A2ML1: variants seen among roughly 807,000 people sequenced by gnomAD.
A2ML1 encodes alpha-2-macroglobulin like 1.
Under a neutral mutation model 181.9 loss-of-function variants are expected in A2ML1, and 161 were observed. The ratio of observed to expected loss-of-function variants is 0.89; its 90% CI spans 0.78 to 1.01. The LOEUF (loss-of-function observed/expected upper bound fraction) is 1.01. A2ML1 is among the 50% of genes least tolerant of loss of function. The pLI is 0.00. For missense variants in A2ML1, 1,670 were observed against 1,768.1 expected (o/e 0.94, Z 1.00); for synonymous variants, 663 against 666.8 (o/e 0.99, Z 0.09).
Position 8,868,660 on chromosome 12 carries a change from C to T in A2ML1, c.4152+33C>T, listed in dbSNP as rs12816475. 689,929 of 1,593,436 alleles carry T rather than the reference C, an allele frequency of 0.43. 152,410 individuals are homozygous for T. Among genetic ancestry groups the T allele is most frequent in the Middle Eastern group, 0.49 (2,923 of 5,924 alleles). ...ACTTCTGTTTTCTTCATTTATCTAGCTGTGAGGGGACCTAACGTTATAATT... is the reference window on the plus strand; with the variant it reads ...ACTTCTGTTTTCTTCATTTATCTAGTTGTGAGGGGACCTAACGTTATAATT... On this transcript the variant is annotated intron_variant, in intron 32 of 35. Transcript: ENST00000299698.
chr12:8,833,466 C>T (rs113380114), intron 4 of A2ML1, among the ~76,000 whole-genome samples: 1,859 of 152,210 alleles, frequency 0.012, 16 homozygotes, highest in Non-Finnish European at 0.019. Flanking sequence ...GGCATGATCC[C>T]GGCTCAAGCA....
In A2ML1 at chr12:8,858,059, G is replaced by A; in HGVS notation, c.3221G>A (p.Gly1074Asp). 2 of 1,614,170 alleles carry A rather than the reference G, an allele frequency of 1.2e-6. No homozygotes were observed. The highest frequency in any genetic ancestry group is 1.7e-6 in the Non-Finnish European group (2 of 1,180,030). Residue 1074 changes from glycine (G) to aspartate (D), a missense_variant, in exon 26 of 36, where the codon GGC (glycine) becomes GAC (aspartate). Coordinates refer to ENST00000299698, the MANE Select transcript of A2ML1 (RefSeq NM_144670.6). ...KWMAGNQLPS[G>D]CYANVGNLLH... ...ATGGCAGGAAACCAGCTCCCCAGTG[G>A]CTGCTATGCCAACGTGGGAAATCTC... is the stretch of plus-strand genomic sequence containing the variant.
Position 8,836,340 on chromosome 12 carries a change from G to T in A2ML1, c.728+1G>T, listed in dbSNP as rs1185820998. On this transcript the variant is annotated splice_donor_variant, in intron 7 of 35. Transcript: ENST00000299698. LOFTEE classifies it high-confidence loss of function. ...CTTTCTTAGTAAAAATTTGTTGTAG[G>T]TAAGAGCAGAAGCTTGGGATCTGGT... 6.2e-7 allele frequency: 1 copy of T among 1,612,864 alleles called. No homozygotes were observed. Among genetic ancestry groups the T allele is most frequent in the African/African-American group, 1.3e-5 (1 of 74,878 alleles).
intron 4 of A2ML1, among the ~76,000 whole-genome samples, chr12:8,833,108 G>A (rs952324098): frequency 4.0e-5 from 6 of 151,634 alleles, no homozygotes; most frequent in Non-Finnish European, 5.9e-5. Flanking sequence ...CAAGTAGTTG[G>A]GTTTACAGGA....
At chr12:8,838,480 A>G (rs766211795) in intron 9 of A2ML1, 30 bp downstream of exon 9, 2 of 1,571,720 alleles carry the variant, frequency 1.3e-6, no homozygotes, top group South Asian at 1.1e-5. Context: ...GCTCATTAAG[A>G]AAAGAGAAAG....
chr12:8,887,416 T>C (rs1240853424), downstream of A2ML1, among the ~76,000 whole-genome samples: 1 of 152,120 alleles, frequency 6.6e-6, no homozygotes, highest in Non-Finnish European at 1.5e-5. Flanking sequence ...GCTGTGCAGC[T>C]GCAAAGTCAC....
In A2ML1 at chr12:8,835,785, G is replaced by A. The variant is rs749783418; in HGVS notation, c.643+119G>A. 630 of 1,345,904 alleles carry A rather than the reference G, an allele frequency of 4.7e-4. 3 individuals carry two copies. The highest frequency in any genetic ancestry group is 1.8e-3 in the African/African-American group (121 of 69,042). The allele number at this position is 1,345,904 out of a possible 1,614,324, so 83.4% of individuals were successfully genotyped here. ...TCCCAGGACTTTGGGAGGCCGAGGC[G>A]GGCAGATCATGAGGTCAGGAGATCG... On this transcript the variant is annotated intron_variant, in intron 6 of 35. Coordinates refer to ENST00000299698, the MANE Select transcript of A2ML1 (RefSeq NM_144670.6).
In A2ML1 at chr12:8,868,546, G is replaced by C; in HGVS notation, c.4071G>C (p.Gly1357=). The C allele has an allele frequency of 6.2e-7, 1 of 1,613,920 alleles. No homozygotes were observed. Among genetic ancestry groups the C allele is most frequent in the African/African-American group, 1.3e-5 (1 of 74,978 alleles). Residue 1357 remains glycine (G), a synonymous_variant, in exon 32 of 36, where the codon GGG becomes GGC. Coordinates refer to ENST00000299698, the MANE Select transcript of A2ML1 (RefSeq NM_144670.6). ...TTCTTCCTGCTCTCAGTTATGTGGGGAGCCGTAGCTCTTCCAATATGGCTA... is the reference window on the plus strand; with the variant it reads ...TTCTTCCTGCTCTCAGTTATGTGGGCAGCCGTAGCTCTTCCAATATGGCTA... ...LTLTIHTSYV[G]SRSSSNMAIV... is the part of the protein sequence containing the mutation.
At chr12:8,863,183 C>T (rs10771131) in intron 28 of A2ML1, among the ~76,000 whole-genome samples, 64 of 151,588 alleles carry the variant, frequency 4.2e-4, no homozygotes, top group African/African-American at 1.4e-3. Context: ...CTCAGTTCAC[C>T]GCAACCTCCA....
chr12:8,882,132 G>C (rs1944878021), intron 7 of A2ML1, among the ~76,000 whole-genome samples: 1 of 152,176 alleles, frequency 6.6e-6, no homozygotes, highest in African/African-American at 2.4e-5. Context: ...AAGACTGGCA[G>C]TTAGCAGCAA....
At chr12:8,879,361 T>TGG (rs1944847122), downstream of A2ML1, among the ~76,000 whole-genome samples, 1 of 151,488 alleles carries the variant, frequency 6.6e-6, no homozygotes, top group Non-Finnish European at 1.5e-5. Context: ...CGTGGTGGCA[T>TGG]GCGCCTGTAA....
chr12:8,823,538 C>T, intron 2 of A2ML1, 173 bp downstream of exon 2: 1 of 1,072,204 alleles, frequency 9.3e-7, no homozygotes, highest in Non-Finnish European at 1.3e-6. Context: ...GTTTCCTCGA[C>T]CTAGGATTTC....
intron 11 of A2ML1, among the ~76,000 whole-genome samples, chr12:8,842,358 A>G (rs1007969151): frequency 1.3e-5 from 2 of 151,464 alleles, no homozygotes; most frequent in African/African-American, 2.4e-5. Context: ...AGCTGGGACT[A>G]CAGGCGCCTG....
In A2ML1 at chr12:8,868,989, G is replaced by C; in HGVS notation, c.4153-146G>C. ...GGCTGCAAGGTTGTAGCAGATATAT[G>C]ACATGCAACTTGTAATAGTCTTGGT... On this transcript the variant is annotated intron_variant, in intron 32 of 35. Transcript: ENST00000299698. The C allele has an allele frequency of 6.8e-6, 5 of 738,112 alleles. 1 individual carries two copies. In the South Asian group the frequency reaches 8.6e-5, roughly 13 times the overall value. 45.7% of individuals were successfully genotyped at this position (738,112 alleles called of 1,614,324 possible).
At chr12:8,844,892 G>T in intron 12 of A2ML1, 1 of 903,670 alleles carries the variant, frequency 1.1e-6, no homozygotes, top group Non-Finnish European at 1.5e-6. Context: ...TTGGAGCCCT[G>T]CAGGAGCGTG....
Position 8,860,314 on chromosome 12 carries a change from A to G in A2ML1, c.3265-567A>G, listed in dbSNP as rs755311449. Among the ~76,000 whole-genome samples, 13 of 152,308 alleles carry G rather than the reference A, an allele frequency of 8.5e-5. No individual in the cohort carries two copies. The East Asian group carries it at 2.1e-3, about 25-fold the overall frequency. ...CCCACCGACTTGGCCTCAAGCTGGG[A>G]TAATAGGCATAAACCACTGTGCGTG... is the stretch of plus-strand genomic sequence containing the variant. On this transcript the variant is annotated intron_variant, in intron 26 of 35. Coordinates refer to ENST00000299698, the MANE Select transcript of A2ML1 (RefSeq NM_144670.6).
chr12:8,845,860 A>AAAAT lies in A2ML1; in HGVS notation c.1538-214_1538-213insTAAA, dbSNP rs1555111270. 3.2e-3 allele frequency among the ~76,000 whole-genome samples: 176 copies of AAAAT among 54,628 alleles called. 4 individuals carry two copies. The highest frequency in any genetic ancestry group is 0.013 in the African/African-American group (170 of 13,378). The allele number at this position is 54,628 out of a possible 152,430, so 35.8% of individuals were successfully genotyped here. ...GCGAGACTCCGTCTCAAAAAAAAAA[A>AAAAT]AAAATAAATAAAATAAAATAAAATA... On this transcript the variant is annotated intron_variant, in intron 13 of 35. Coordinates refer to ENST00000299698, the MANE Select transcript of A2ML1 (RefSeq NM_144670.6).
At chr12:8,840,954 G>GGAAGGAAGGAAA (rs1943449144) in intron 10 of A2ML1, among the ~76,000 whole-genome samples, 1 of 107,902 alleles carries the variant, frequency 9.3e-6, no homozygotes, top group African/African-American at 3.4e-5. Context: ...AAAGAAGGAA[G>GGAAGGAAGGAAA]GAAGGAAGGA....
At chr12:8,871,883 T>C (rs944066878) in intron 33 of A2ML1, among the ~76,000 whole-genome samples, 3 of 151,938 alleles carry the variant, frequency 2.0e-5, no homozygotes, top group Non-Finnish European at 4.4e-5. Flanking sequence ...TAGTCAGATA[T>C]TAAAACTGCT....
Sources: gnomAD v4.1 joint callset for allele counts (sites outside exome capture counted in the v4.1 genomes callset) on GRCh38, gnomAD v4.1.1 for gene constraint, MANE v1.5 for transcripts, NCBI Gene and HGNC (gene_info 2026-07-23, HGNC 2026-07-21) for gene names.